The following B3GALT1 variants were observed in gnomAD, a reference collection of about 807,000 sequenced individuals.
B3GALT1 encodes UDP-Gal:betaGlcNAc beta 1,3-galactosyltransferase, polypeptide 1.
Under a neutral mutation model 23.2 loss-of-function variants are expected in B3GALT1, and 10 were observed. That is an observed-to-expected ratio of 0.43 (90% confidence interval 0.27 to 0.73). The LOEUF is 0.73. Ranked by LOEUF, B3GALT1 falls within the 30% of genes least tolerant of loss-of-function variation. B3GALT1 has a pLI of 0.21. For missense variants in B3GALT1, 299 were observed against 405.4 expected, an observed-to-expected ratio of 0.74 and a Z score of 2.25; for synonymous variants, 156 against 141.5, an observed-to-expected ratio of 1.10 and a Z score of -0.73.
chr2:167,704,183 CAAAAAAAA>C (rs5836157), intron 3 of B3GALT1, among the ~76,000 whole-genome samples: 1 of 112,926 alleles, frequency 8.9e-6, no homozygotes, highest in Non-Finnish European at 1.7e-5. Flanking sequence ...TCAGTCTCAA[CAAAAAAAA>C]AAAAAAAAAA....
chr2:167,605,485 A>AT (rs5836148), intron 2 of B3GALT1, among the ~76,000 whole-genome samples: 123,038 of 151,996 alleles, frequency 0.81, 49,888 homozygotes, highest in Admixed American at 0.88. Context: ...CTCAGATGGC[A>AT]TGTCAACCCG....
chr2:167,574,957 GT>G (rs1684356407), intron 2 of B3GALT1, among the ~76,000 whole-genome samples: 1 of 151,628 alleles, frequency 6.6e-6, no homozygotes, highest in Non-Finnish European at 1.5e-5. Context: ...TTATGTACTT[GT>G]TTTTGGAAAC....
At chr2:167,548,299 G>A (rs906259118) in intron 2 of B3GALT1, among the ~76,000 whole-genome samples, 3 of 152,134 alleles carry the variant, frequency 2.0e-5, no homozygotes, top group Non-Finnish European at 4.4e-5. Context: ...GAGAAATCAA[G>A]CTTACCAGTG....
intron 2 of B3GALT1, among the ~76,000 whole-genome samples, chr2:167,571,051 C>G (rs1049777334): frequency 6.6e-5 from 10 of 151,928 alleles, no homozygotes; most frequent in African/African-American, 2.4e-4. Flanking sequence ...AATTCTCATT[C>G]TGGTGAAAGG....
At chr2:167,822,938 TAG>T (rs1481694280) in intron 4 of B3GALT1, among the ~76,000 whole-genome samples, 4 of 152,212 alleles carry the variant, frequency 2.6e-5, no homozygotes, top group African/African-American at 9.6e-5. Context: ...CCTGGACATA[TAG>T]ATAGACCGCA....
At chr2:167,844,398 C>T (rs578124336) in intron 4 of B3GALT1, among the ~76,000 whole-genome samples, 192 of 152,212 alleles carry the variant, frequency 1.3e-3, no homozygotes, top group African/African-American at 4.5e-3. Flanking sequence ...CTGCAGGACT[C>T]GGGAGACATC....
At chr2:167,665,913 G>C (rs13029117) in intron 3 of B3GALT1, among the ~76,000 whole-genome samples, 59,763 of 151,712 alleles carry the variant, frequency 0.39, 12,923 homozygotes, top group Middle Eastern at 0.57. Flanking sequence ...CAGAAAACCA[G>C]CTCCTGGATT....
intron 3 of B3GALT1, among the ~76,000 whole-genome samples, chr2:167,811,442 G>T (rs887413465): frequency 6.6e-6 from 1 of 152,168 alleles, no homozygotes; most frequent in African/African-American, 2.4e-5. Context: ...GGAAGTAACA[G>T]GTGTGCATTT....
chr2:167,735,465 A>G (rs759921349), intron 3 of B3GALT1, among the ~76,000 whole-genome samples: 26 of 152,304 alleles, frequency 1.7e-4, no homozygotes, highest in Admixed American at 8.5e-4. Flanking sequence ...ATTCCAATCT[A>G]TTTCTCCCTG....
chr2:167,873,299 A>G lies in B3GALT1; in HGVS notation c.*3279A>G, dbSNP rs1690386583. ...AGTTTCGGTGGCTTGGTGTCTTCTT[A>G]TATTGGAACAAGTGTCCATTTCAAT... On this transcript the variant is annotated 3_prime_UTR_variant, in exon 5 of 5. Coordinates refer to ENST00000392690, the MANE Select transcript of B3GALT1 (RefSeq NM_020981.4). 6.6e-6 allele frequency: 1 copy of G among 152,136 alleles called. No homozygotes were observed. The highest frequency in any genetic ancestry group is 1.5e-5 in the Non-Finnish European group (1 of 68,032). The allele number at this position is 152,136 out of a possible 1,614,324, so 9.4% of individuals were successfully genotyped here.
chr2:167,521,985 T>TATATATATATATACAC (rs1553464214), intron 2 of B3GALT1, among the ~76,000 whole-genome samples: 3 of 103,378 alleles, frequency 2.9e-5, no homozygotes, highest in Admixed American at 9.8e-5. Context: ...TGTGTGTGTG[T>TATATATATATATACAC]ATATATATAT....
At chr2:167,332,028 G>A (rs1451432266) in intron 1 of B3GALT1, among the ~76,000 whole-genome samples, 6 of 152,182 alleles carry the variant, frequency 3.9e-5, no homozygotes, top group African/African-American at 9.6e-5. Context: ...TTCGCTAAAT[G>A]GTGCCATGCT....
chr2:167,417,122 A>G (rs1161451566), intron 1 of B3GALT1, among the ~76,000 whole-genome samples: 6 of 152,068 alleles, frequency 3.9e-5, no homozygotes, highest in Non-Finnish European at 7.4e-5. Context: ...CTATGGTTTG[A>G]ATGTTTGTCC....
intron 1 of B3GALT1, among the ~76,000 whole-genome samples, chr2:167,358,633 ATCCT>A (rs1697453896): frequency 2.1e-5 from 1 of 47,598 alleles, no homozygotes; most frequent in Admixed American, 3.5e-4. Flanking sequence ...CTTATTAAGA[ATCCT>A]TTATTTAAGT....
intron 4 of B3GALT1, among the ~76,000 whole-genome samples, chr2:167,864,724 A>G (rs905281624): frequency 6.6e-6 from 1 of 152,150 alleles, no homozygotes; most frequent in African/African-American, 2.4e-5. Context: ...TAGCTGTGTG[A>G]TCTTGAGCAA....
Position 167,776,999 on chromosome 2 carries a change from C to T in B3GALT1, c.-351-41673C>T, listed in dbSNP as rs563958898. On this transcript the variant is annotated intron_variant, in intron 3 of 4. Transcript: ENST00000392690. Reference sequence around the variant, plus strand: ...TGCTTTGTGTTTGTTTTGGTTTTTACGGTCAAGTAATGATCTATTAATATA... The same window carrying T: ...TGCTTTGTGTTTGTTTTGGTTTTTATGGTCAAGTAATGATCTATTAATATA... Among the ~76,000 whole-genome samples, 3 of 152,080 alleles carry T rather than the reference C, an allele frequency of 2.0e-5. No individual in the cohort carries two copies. In the East Asian group the frequency reaches 5.8e-4, roughly 29 times the overall value.
chr2:167,845,224 C>A (rs1689731418), intron 4 of B3GALT1, among the ~76,000 whole-genome samples: 1 of 152,140 alleles, frequency 6.6e-6, no homozygotes, highest in Non-Finnish European at 1.5e-5. Flanking sequence ...ACCACCAGTT[C>A]CTCTCCATAC....
intron 1 of B3GALT1, among the ~76,000 whole-genome samples, chr2:167,408,199 G>T (rs1257127594): frequency 6.6e-6 from 1 of 152,078 alleles, no homozygotes; most frequent in East Asian, 1.9e-4. Flanking sequence ...TTCATCCAGG[G>T]ATGCAAGGAT....
At chr2:167,543,429 C>T (rs1027652830) in intron 2 of B3GALT1, among the ~76,000 whole-genome samples, 7 of 152,044 alleles carry the variant, frequency 4.6e-5, no homozygotes, top group African/African-American at 1.7e-4. Context: ...CATGATTATG[C>T]ACCACATATG....
Sources: allele counts gnomAD v4.1 joint callset (sites outside exome capture counted in the v4.1 genomes callset), GRCh38; gene constraint gnomAD v4.1.1; transcripts MANE v1.5; gene names NCBI Gene and HGNC (gene_info 2026-07-23, HGNC 2026-07-21).